Variants in PROM1 observed in about 807,000 individuals in gnomAD.
PROM1 encodes prominin-1.
A neutral mutation model predicts 116.9 loss-of-function variants in PROM1; 105 were observed. That is an observed-to-expected ratio of 0.90 (90% CI 0.77 to 1.06). PROM1 has a LOEUF of 1.06. PROM1 is among the 50% of genes least tolerant of loss of function. PROM1 has a pLI of 0.00. For missense variants in PROM1, 1,122 were observed against 1,045.2 expected (o/e 1.07, Z -1.01); for synonymous variants, 393 against 387.0 (o/e 1.02, Z -0.18).
chr4:16,080,887 C>T (rs1465716776), intron 1 of PROM1, among the ~76,000 whole-genome samples: 7 of 152,202 alleles, frequency 4.6e-5, no homozygotes, highest in Non-Finnish European at 7.3e-5. Context: ...CCAGTAGCCA[C>T]ATCCAGGGTC....
chr4:15,979,412 G>T lies in PROM1; in HGVS notation c.2565C>A (p.His855Gln). Residue 855 changes from histidine (H) to glutamine (Q), a missense_variant, in exon 26 of 28, where the codon CAC becomes CAA. Physicochemically the swap from His to Gln is conservative, Grantham distance 24 (BLOSUM62 0). Coordinates refer to ENST00000447510, the MANE Select transcript of PROM1 (RefSeq NM_006017.3). ...GYHKDHVYGI[H>Q]NPVMTSPSQH ...TGCTTTACCTTGTCATAACAGGATT[G>T]TGAATACCATATACATGATCTTTAT... The T allele has an allele frequency of 1.2e-6, 2 of 1,613,732 alleles. No homozygotes were observed. Among genetic ancestry groups the T allele is most frequent in the Non-Finnish European group, 1.7e-6 (2 of 1,179,780 alleles).
chr4:15,971,184 C>T lies in PROM1; in HGVS notation c.2583-102G>A, dbSNP rs73801553. 1,002 of 922,380 alleles carry T rather than the reference C, an allele frequency of 1.1e-3. 11 individuals carry two copies. The African/African-American group carries it at 0.013, about 12-fold the overall frequency. 57.1% of individuals were successfully genotyped at this position (922,380 alleles called of 1,614,324 possible). A position where few individuals can be genotyped will look rare whatever the true frequency, so the allele number is the denominator to read the frequency against. The stretch of plus-strand genomic sequence containing the variant: ...GCAGGCATGTGACTAAAGGTACAGA[C>T]GAATATAAACCACACCTCATAAAGT... On this transcript the variant is annotated intron_variant, in intron 26 of 27. Coordinates refer to ENST00000447510, the MANE Select transcript of PROM1 (RefSeq NM_006017.3).
At position 16,025,636 on chromosome 4, in the gene PROM1, T is replaced by G. The variant is rs371455529; in HGVS notation, c.510-324A>C. On this transcript the variant is annotated intron_variant, in intron 5 of 27. Coordinates refer to ENST00000447510, the MANE Select transcript of PROM1 (RefSeq NM_006017.3). ...AAAGGTTATAAGGCAGCATGCATGA[T>G]CCAGTCCCATTCCTGTCCTCATGTG... 2.6e-4 allele frequency among the ~76,000 whole-genome samples: 40 copies of G among 152,318 alleles called. 1 individual carries two copies. Among genetic ancestry groups the G allele is most frequent in the African/African-American group, 8.4e-4 (35 of 41,566 alleles).
intron 13 of PROM1, among the ~76,000 whole-genome samples, chr4:16,005,206 G>A (rs574173601): frequency 4.5e-4 from 69 of 152,096 alleles, no homozygotes; most frequent in Admixed American, 5.9e-4. Context: ...CAAGTGATCT[G>A]CCTGTCTCGG....
In PROM1 at chr4:16,001,013, C is replaced by T. The variant is rs558750586; in HGVS notation, c.1455-394G>A. Among the ~76,000 whole-genome samples, 5 of 152,302 alleles carry T rather than the reference C, an allele frequency of 3.3e-5. No homozygotes were observed. The East Asian group carries it at 7.7e-4, about 23-fold the overall frequency. ...GAGCACAACCCGACTTCTCTCTGAA[C>T]GCAAGCACTCTTGGCACAGTGTAAA... On this transcript the variant is annotated intron_variant, in intron 13 of 27. Transcript: ENST00000447510.
chr4:16,010,589 AACCTCCTGGGCTCAAGG>A, intron 11 of PROM1, among the ~76,000 whole-genome samples: 1 of 152,188 alleles, frequency 6.6e-6, no homozygotes, highest in Non-Finnish European at 1.5e-5. Context: ...CTGCAGGCTC[AACCTCCTGGGCTCAAGG>A]ATCCTCCCAC....
chr4:15,991,929 C>T (rs1488565179), intron 17 of PROM1, among the ~76,000 whole-genome samples: 97 of 96,738 alleles, frequency 1.0e-3, no homozygotes, highest in Non-Finnish European at 1.3e-3. Flanking sequence ...AGCGAGACTC[C>T]GTCTCAAAAA....
At chr4:16,029,976 G>T (rs1732265598) in intron 5 of PROM1, among the ~76,000 whole-genome samples, 1 of 151,864 alleles carries the variant, frequency 6.6e-6, no homozygotes, top group South Asian at 2.1e-4. Context: ...TGACATTCTT[G>T]TCCTTCTTAT....
chr4:16,032,971 A>C (rs1733087467), intron 5 of PROM1, among the ~76,000 whole-genome samples: 2 of 152,208 alleles, frequency 1.3e-5, no homozygotes, highest in South Asian at 4.1e-4. Flanking sequence ...GCCTGCCTGC[A>C]AATAGCTAAT....
At position 16,006,585 on chromosome 4, in the gene PROM1, C is replaced by G; in HGVS notation, c.1407G>C (p.Pro469=). 1 of 1,604,524 alleles carries G rather than the reference C, an allele frequency of 6.2e-7. No homozygotes were observed. Among genetic ancestry groups the G allele is most frequent in the African/African-American group, 1.3e-5 (1 of 74,876 alleles). Residue 469 remains proline (P), a synonymous_variant, in exon 13 of 28, where the codon CCG becomes CCC. Coordinates refer to ENST00000447510, the MANE Select transcript of PROM1 (RefSeq NM_006017.3). The part of the protein sequence containing the change: ...GVCGYDRHAT[P]TTRGCVSNTG... The stretch of plus-strand genomic sequence containing the variant: ...TGTTGGAGACACAGCCTCGGGTGGT[C>G]GGGGTGGCATGCCTGTCATAGCCGC...
chr4:16,025,931 T>C (rs1731158298), intron 5 of PROM1, among the ~76,000 whole-genome samples: 1 of 152,216 alleles, frequency 6.6e-6, no homozygotes, highest in Non-Finnish European at 1.5e-5. Flanking sequence ...AGCACCTATG[T>C]TTTATTTCAT....
rs1743781098 is a variant in PROM1, at chr4:16,075,605, T to C, written c.220+82A>G. On this transcript the variant is annotated intron_variant, in intron 2 of 27. Transcript: ENST00000447510. Reference sequence around the variant, plus strand: ...TCGCTAAAATACTGAATATATTATATATTGATTGCATTGACATTAAAAAAC... The same window carrying C: ...TCGCTAAAATACTGAATATATTATACATTGATTGCATTGACATTAAAAAAC... The C allele has an allele frequency of 2.3e-6, 3 of 1,313,868 alleles. No homozygotes were observed. In the East Asian group the frequency reaches 7.6e-5, roughly 33 times the overall value. 81.4% of individuals were successfully genotyped at this position (1,313,868 alleles called of 1,614,324 possible). A position where few individuals can be genotyped will look rare whatever the true frequency, so the allele number is the denominator to read the frequency against.
chr4:16,028,006 T>C (rs1013087344), intron 5 of PROM1, among the ~76,000 whole-genome samples: 1 of 152,220 alleles, frequency 6.6e-6, no homozygotes, highest in African/African-American at 2.4e-5. Flanking sequence ...AATTAAAGCA[T>C]TGATAATTTT....
chr4:16,056,811 C>T (rs1271783471), intron 2 of PROM1, among the ~76,000 whole-genome samples: 1 of 152,194 alleles, frequency 6.6e-6, no homozygotes, highest in African/African-American at 2.4e-5. Context: ...TTTGGGGCTA[C>T]TACTGCAAGC....
intron 10 of PROM1, among the ~76,000 whole-genome samples, chr4:16,013,564 T>C (rs1380202647): frequency 6.6e-6 from 1 of 152,230 alleles, no homozygotes; most frequent in Non-Finnish European, 1.5e-5. Flanking sequence ...AAGTTTTTCA[T>C]ATAGGGGGTC....
chr4:16,008,954 T>C lies in PROM1; in HGVS notation c.1296A>G (p.Ser432=), dbSNP rs1435974355. ...RNLPTLEEYD[S]YWWLGGLVIC... Reference sequence around the variant, plus strand: ...AGCTCCAAGGAGACACTCACCAGTATGAATCATACTCTTCCAATGTAGGTA... The same window carrying C: ...AGCTCCAAGGAGACACTCACCAGTACGAATCATACTCTTCCAATGTAGGTA... Residue 432 remains serine, a synonymous_variant, in exon 12 of 28, where the codon TCA becomes TCG. Coordinates refer to ENST00000447510, the MANE Select transcript of PROM1 (RefSeq NM_006017.3). 6.3e-7 allele frequency: 1 copy of C among 1,584,062 alleles called. No individual in the cohort carries two copies. The highest frequency in any genetic ancestry group is 1.7e-5 in the Admixed American group (1 of 59,696).
At chr4:16,027,297 A>AACACACACACACACACACACAC (rs144910885) in intron 5 of PROM1, among the ~76,000 whole-genome samples, 44 of 147,234 alleles carry the variant, frequency 3.0e-4, no homozygotes, top group East Asian at 1.0e-3. Context: ...GTGAAGAAGA[A>AACACACACACACACACACACAC]ACACACACAC....
rs541680612 is a variant in PROM1 at position 16,072,099 on chromosome 4, G to C, written c.220+3588C>G. On this transcript the variant is annotated intron_variant, in intron 2 of 27. Coordinates refer to ENST00000447510, the MANE Select transcript of PROM1 (RefSeq NM_006017.3). Reference sequence around the variant, plus strand: ...AATACATTCTGCCATGTCAACACAGGGGTGGTTACCTGTGTTCCTTGTCTA... The same window carrying C: ...AATACATTCTGCCATGTCAACACAGCGGTGGTTACCTGTGTTCCTTGTCTA... Among the ~76,000 whole-genome samples, 13 of 152,250 alleles carry C rather than the reference G, an allele frequency of 8.5e-5. No individual in the cohort carries two copies. In the South Asian group the frequency reaches 2.3e-3, roughly 27 times the overall value.
Position 16,072,240 on chromosome 4 carries a change from G to T in PROM1, c.220+3447C>A, listed in dbSNP as rs79114393. On this transcript the variant is annotated intron_variant, in intron 2 of 27. Transcript: ENST00000447510. ...AACTTGAGAAAAAGCCTTACTTCCT[G>T]GGGATACAAGAAGGGTTTCTCTTAG... 1.2e-3 allele frequency among the ~76,000 whole-genome samples: 180 copies of T among 152,236 alleles called. 1 individual carries two copies. The East Asian group carries it at 0.027, about 23-fold the overall frequency.
Sources: allele counts gnomAD v4.1 joint callset (sites outside exome capture counted in the v4.1 genomes callset), GRCh38; gene constraint gnomAD v4.1.1; transcripts MANE v1.5; gene names NCBI Gene and HGNC (gene_info 2026-07-23, HGNC 2026-07-21).